Variants in PGGT1B observed in about 807,000 individuals in gnomAD.
PGGT1B encodes geranylgeranyl transferase type-1 subunit beta.
PGGT1B carries 30 observed loss-of-function variants against 46.1 expected under a neutral mutation model. That is an observed-to-expected ratio of 0.65 (90% CI 0.49 to 0.88). PGGT1B has a LOEUF of 0.88. Among genes scored for constraint, PGGT1B ranks in the 40% least tolerant of loss-of-function variants. The pLI is 0.00. For synonymous variants in PGGT1B, 170 were observed against 160.0 expected, an observed-to-expected ratio of 1.06 and a Z score of -0.47; for missense variants, 376 against 455.9, an observed-to-expected ratio of 0.82 and a Z score of 1.60.
At chr5:115,234,101 A>G (rs1757091354) in intron 5 of PGGT1B, among the ~76,000 whole-genome samples, 1 of 151,898 alleles carries the variant, frequency 6.6e-6, no homozygotes, top group African/African-American at 2.4e-5. Context: ...ATATAATAGG[A>G]AACTATAAGA....
intron 1 of PGGT1B, among the ~76,000 whole-genome samples, chr5:115,261,035 CATCT>C (rs1394070617): frequency 1.3e-5 from 2 of 152,172 alleles, no homozygotes; most frequent in African/African-American, 4.8e-5. Context: ...TTATACACTG[CATCT>C]ATCTAAGCAG....
intron 2 of PGGT1B, among the ~76,000 whole-genome samples, chr5:115,244,780 G>A (rs576081781): frequency 2.6e-5 from 4 of 151,762 alleles, no homozygotes; most frequent in Non-Finnish European, 4.4e-5. Flanking sequence ...TAGTAGAGAC[G>A]GGGTTTCATC....
At position 115,253,262 on chromosome 5, in the gene PGGT1B, G is replaced by GA. The variant is rs776485578; in HGVS notation, c.141-8dup. 6 of 1,565,608 alleles carry GA rather than the reference G, an allele frequency of 3.8e-6. No homozygotes were observed. The highest frequency in any genetic ancestry group is 5.2e-6 in the Non-Finnish European group (6 of 1,162,360). Reference sequence around the variant, plus strand: ...AAAAAATGCAATTGTCAACCTAAAAGAAAAAAATGTAAAATTCCATCTTAA... The same window carrying GA: ...AAAAAATGCAATTGTCAACCTAAAAGAAAAAAAATGTAAAATTCCATCTTAA... On this transcript the variant is annotated splice_region_variant and splice_polypyrimidine_tract_variant and intron_variant, in intron 1 of 8. Coordinates refer to ENST00000419445, the MANE Select transcript of PGGT1B (RefSeq NM_005023.4).
At chr5:115,234,666 T>C (rs981147409) in intron 5 of PGGT1B, among the ~76,000 whole-genome samples, 3 of 151,996 alleles carry the variant, frequency 2.0e-5, no homozygotes, top group African/African-American at 7.2e-5. Flanking sequence ...GTACTTTGAC[T>C]ATATGCCCTC....
At chr5:115,232,227 C>A (rs1757012327) in intron 5 of PGGT1B, among the ~76,000 whole-genome samples, 2 of 151,988 alleles carry the variant, frequency 1.3e-5, no homozygotes, top group Non-Finnish European at 2.9e-5. Context: ...TCTAGGTATA[C>A]CACCAGAAGA....
At chr5:115,254,409 T>C (rs1359713001) in intron 1 of PGGT1B, among the ~76,000 whole-genome samples, 2 of 152,046 alleles carry the variant, frequency 1.3e-5, no homozygotes, top group African/African-American at 4.8e-5. Flanking sequence ...ACGAAGCTTA[T>C]TTTATATAAT....
chr5:115,259,235 T>C (rs1245327435), intron 1 of PGGT1B, among the ~76,000 whole-genome samples: 1 of 152,180 alleles, frequency 6.6e-6, no homozygotes. Flanking sequence ...TAGAACCACC[T>C]GAGATGCGTG....
At chr5:115,231,330 C>T (rs3805586) in intron 5 of PGGT1B, among the ~76,000 whole-genome samples, 45,401 of 151,852 alleles carry the variant, frequency 0.3, 7,933 homozygotes, top group Non-Finnish European at 0.4. Context: ...ACTCCTTTAC[C>T]ATTGCAAGTA....
At chr5:115,231,090 C>T (rs368940899) in intron 5 of PGGT1B, 69 bp from the exon 6 acceptor site, 44 of 790,310 alleles carry the variant, frequency 5.6e-5, no homozygotes, top group African/African-American at 3.1e-4. Flanking sequence ...AAATAAGTTG[C>T]CAATGAACTA....
intron 2 of PGGT1B, among the ~76,000 whole-genome samples, chr5:115,242,775 T>G (rs187947834): frequency 6.6e-6 from 1 of 152,288 alleles, no homozygotes; most frequent in East Asian, 1.9e-4. Flanking sequence ...CAGACCAGCC[T>G]GGTCAACATG....
chr5:115,241,637 G>A (rs1233987558), intron 2 of PGGT1B, 31 bp from the exon 3 acceptor site: 1 of 1,529,132 alleles, frequency 6.5e-7, no homozygotes, highest in Non-Finnish European at 9.0e-7. Flanking sequence ...CTTATTTAAA[G>A]TACACTTTAT....
chr5:115,232,222 G>T (rs1364590795), intron 5 of PGGT1B, among the ~76,000 whole-genome samples: 1 of 152,042 alleles, frequency 6.6e-6, no homozygotes, highest in Non-Finnish European at 1.5e-5. Flanking sequence ...GAGACTCTAG[G>T]TATACCACCA....
chr5:115,256,749 G>A (rs1318388860), intron 1 of PGGT1B, among the ~76,000 whole-genome samples: 1 of 152,092 alleles, frequency 6.6e-6, no homozygotes, highest in East Asian at 1.9e-4. Flanking sequence ...AAGGAATTTT[G>A]GGCTGTGGGC....
chr5:115,248,236 T>C (rs1438524751), intron 2 of PGGT1B, among the ~76,000 whole-genome samples: 3 of 151,968 alleles, frequency 2.0e-5, no homozygotes, highest in South Asian at 2.1e-4. Context: ...ATGAGAAAAA[T>C]CTGTACCTCA....
At chr5:115,233,224 C>A (rs1470058643) in intron 5 of PGGT1B, among the ~76,000 whole-genome samples, 1 of 151,566 alleles carries the variant, frequency 6.6e-6, no homozygotes, top group African/African-American at 2.4e-5. Context: ...AAATACATAC[C>A]CTCAAACAAC....
chr5:115,224,886 AT>A (rs1229203951), intron 6 of PGGT1B, among the ~76,000 whole-genome samples: 2 of 151,986 alleles, frequency 1.3e-5, no homozygotes, highest in Admixed American at 6.6e-5. Context: ...AAAGGCAGAC[AT>A]AAAAACAGGA....
intron 8 of PGGT1B, among the ~76,000 whole-genome samples, chr5:115,216,290 T>A (rs886919014): frequency 1.3e-5 from 2 of 151,980 alleles, no homozygotes; most frequent in African/African-American, 4.8e-5. Context: ...CAGGCACGCA[T>A]CACCACACCT....
At chr5:115,224,094 T>C (rs935173781) in intron 6 of PGGT1B, among the ~76,000 whole-genome samples, 4 of 143,388 alleles carry the variant, frequency 2.8e-5, no homozygotes, top group African/African-American at 1.1e-4. Flanking sequence ...ATGTTAGTCT[T>C]GAGTGAATCA....
intron 2 of PGGT1B, among the ~76,000 whole-genome samples, chr5:115,247,536 CATTTAT>C (rs1439243855): frequency 6.6e-6 from 1 of 152,030 alleles, no homozygotes; most frequent in Non-Finnish European, 1.5e-5. Flanking sequence ...TTAAAATGAA[CATTTAT>C]ATTTTATGGA....
Sources: allele counts gnomAD v4.1 joint callset (sites outside exome capture counted in the v4.1 genomes callset), GRCh38; gene constraint gnomAD v4.1.1; transcripts MANE v1.5; gene names NCBI Gene and HGNC (gene_info 2026-07-23, HGNC 2026-07-21).